The following TCF7L2 variants were observed in gnomAD, a reference collection of about 807,000 sequenced individuals.
The protein encoded by TCF7L2 is transcription factor 7 like 2, also known as transcription factor 7-like 2.
Under a neutral mutation model 77.9 loss-of-function variants are expected in TCF7L2, and 23 were observed. That is an observed-to-expected ratio of 0.30 (90% CI 0.21 to 0.42). The LOEUF (loss-of-function observed/expected upper bound fraction) is 0.42, where lower values mean the gene tolerates loss of function less well. Ranked by LOEUF, TCF7L2 falls within the 10% of genes least tolerant of loss-of-function variation. TCF7L2 has a pLI of 1.00. For missense variants in TCF7L2, 654 were observed against 793.1 expected (o/e 0.82, Z 2.11); for synonymous variants, 413 against 340.2 (o/e 1.21, Z -2.36).
At position 113,166,974 on chromosome 10, in the gene TCF7L2, A is replaced by G; in HGVS notation, c.*1002A>G. The G allele has an allele frequency of 4.3e-6, 1 of 231,492 alleles. No homozygotes were observed. 14.3% of individuals were successfully genotyped at this position (231,492 alleles called of 1,614,324 possible). On this transcript the variant is annotated 3_prime_UTR_variant, in exon 14 of 14. Coordinates refer to ENST00000627217, the MANE Select transcript of TCF7L2 (RefSeq NM_001146274.2). ...GGAATTTTAGCGACACTGTCTGAGCAGCAGTGGGAACCATCTTCGTTTCCC... is the reference window on the plus strand; with the variant it reads ...GGAATTTTAGCGACACTGTCTGAGCGGCAGTGGGAACCATCTTCGTTTCCC...
chr10:113,158,869 T>G, intron 12 of TCF7L2, 152 bp downstream of exon 13: 1 of 721,184 alleles, frequency 1.4e-6, no homozygotes. Context: ...CAGTAGATTT[T>G]TTTTTTCAGT....
intron 5 of TCF7L2, among the ~76,000 whole-genome samples, chr10:113,114,345 C>T (rs966462176): frequency 3.3e-5 from 5 of 151,970 alleles, no homozygotes; most frequent in Non-Finnish European, 5.9e-5. Flanking sequence ...TTATTGATAC[C>T]GGTTTGTAGG....
At chr10:113,010,822 T>C (rs1419170600) in intron 4 of TCF7L2, among the ~76,000 whole-genome samples, 1 of 152,136 alleles carries the variant, frequency 6.6e-6, no homozygotes, top group African/African-American at 2.4e-5. Flanking sequence ...CAGACCAGCT[T>C]GGGCAACAGG....
chr10:113,008,340 G>A lies in TCF7L2; in HGVS notation c.451-31685G>A, dbSNP rs953564184. The stretch of plus-strand genomic sequence containing the variant: ...ATCTTCCTGGTCAGTGTCCAGCATC[G>A]TGAAGCTGCCCTTTAGCCTCTCAGT... On this transcript the variant is annotated intron_variant, in intron 4 of 13. Transcript: ENST00000627217. 7.2e-5 allele frequency among the ~76,000 whole-genome samples: 11 copies of A among 152,058 alleles called. No homozygotes were observed. In the East Asian group the frequency reaches 7.7e-4, roughly 11 times the overall value.
chr10:113,153,190 C>T (rs1221579930), intron 11 of TCF7L2, among the ~76,000 whole-genome samples: 2 of 152,336 alleles, frequency 1.3e-5, no homozygotes, highest in African/African-American at 2.4e-5. Flanking sequence ...TGTGACCCCA[C>T]GATTCCTCTC....
intron 5 of TCF7L2, among the ~76,000 whole-genome samples, chr10:113,114,658 C>T (rs749311263): frequency 2.0e-5 from 3 of 152,152 alleles, no homozygotes; most frequent in Non-Finnish European, 2.9e-5. Flanking sequence ...TTTAGTGTAA[C>T]CTAACACATT....
At chr10:113,012,373 G>A (rs755539200) in intron 4 of TCF7L2, among the ~76,000 whole-genome samples, 2 of 152,128 alleles carry the variant, frequency 1.3e-5, no homozygotes, top group Non-Finnish European at 2.9e-5. Context: ...AGAAACCATC[G>A]GGATAGTGTT....
chr10:113,083,358 TA>T (rs199845310), intron 5 of TCF7L2, among the ~76,000 whole-genome samples: 1 of 149,666 alleles, frequency 6.7e-6, no homozygotes, highest in African/African-American at 2.5e-5. Context: ...ATGCTCACAT[TA>T]AAAAAAAATA....
chr10:113,035,924 T>C (rs575651595), intron 4 of TCF7L2, among the ~76,000 whole-genome samples: 1 of 152,350 alleles, frequency 6.6e-6, no homozygotes, highest in African/African-American at 2.4e-5. Context: ...AGATATTTGC[T>C]GTCTGGCACT....
intron 4 of TCF7L2, among the ~76,000 whole-genome samples, chr10:112,979,717 C>G (rs937098547): frequency 1.3e-5 from 2 of 151,642 alleles, no homozygotes; most frequent in Non-Finnish European, 2.9e-5. Context: ...GATGGCGCCA[C>G]TGTACTCCAG....
intron 4 of TCF7L2, among the ~76,000 whole-genome samples, chr10:112,994,062 A>AT (rs2043057510): frequency 6.6e-6 from 1 of 152,050 alleles, no homozygotes; most frequent in African/African-American, 2.4e-5. Context: ...CTCAAAAAAA[A>AT]AAAAAAAGAA....
At chr10:113,008,307 C>T (rs1023009682) in intron 4 of TCF7L2, among the ~76,000 whole-genome samples, 1 of 152,148 alleles carries the variant, frequency 6.6e-6, no homozygotes, top group East Asian at 1.9e-4. Context: ...CTCAGAGCAT[C>T]CTTGGACATC....
intron 5 of TCF7L2, chr10:113,089,653 C>T (rs1386524761): frequency 7.5e-7 from 1 of 1,333,550 alleles, no homozygotes; most frequent in Non-Finnish European, 1.0e-6. Flanking sequence ...TCCCTGAATT[C>T]TTGTTGGGTC....
intron 4 of TCF7L2, among the ~76,000 whole-genome samples, chr10:113,010,576 C>T (rs575296493): frequency 2.6e-5 from 4 of 152,284 alleles, no homozygotes; most frequent in African/African-American, 9.6e-5. Context: ...ATTTTGTAGA[C>T]AAGACAACTG....
At chr10:112,955,838 T>TA (rs2033414174) in intron 3 of TCF7L2, among the ~76,000 whole-genome samples, 4 of 152,124 alleles carry the variant, frequency 2.6e-5, no homozygotes, top group Admixed American at 6.5e-5. Context: ...TGCACGCCAT[T>TA]GAAAAAAATA....
chr10:113,085,940 C>G (rs773608949), intron 5 of TCF7L2, among the ~76,000 whole-genome samples: 4 of 152,222 alleles, frequency 2.6e-5, no homozygotes, highest in Admixed American at 6.5e-5. Context: ...CATGAAATAG[C>G]TCAGTGCTGC....
chr10:112,999,100 T>A (rs1024015939), intron 4 of TCF7L2, among the ~76,000 whole-genome samples: 5 of 152,246 alleles, frequency 3.3e-5, no homozygotes, highest in African/African-American at 1.2e-4. Context: ...CACTGCAGCC[T>A]CCAACTCTTG....
intron 12 of TCF7L2, 34 bp downstream of exon 13, chr10:113,158,751 G>A: frequency 1.3e-6 from 2 of 1,592,610 alleles, no homozygotes; most frequent in East Asian, 2.2e-5. Context: ...TAAAATAGTT[G>A]ATAAACTGTT....
intron 5 of TCF7L2, among the ~76,000 whole-genome samples, chr10:113,139,547 G>A (rs141305510): frequency 6.6e-6 from 1 of 151,800 alleles, no homozygotes; most frequent in Non-Finnish European, 1.5e-5. Flanking sequence ...AAAATTGGTA[G>A]CACATAACAC....
Sources: gnomAD v4.1 joint callset for allele counts (sites outside exome capture counted in the v4.1 genomes callset) on GRCh38, gnomAD v4.1.1 for gene constraint, MANE v1.5 for transcripts, NCBI Gene and HGNC (gene_info 2026-07-23, HGNC 2026-07-21) for gene names.